Variants in TRPM3 observed in about 807,000 individuals in gnomAD.
TRPM3 encodes the protein transient receptor potential cation channel subfamily M member 3, also known as long transient receptor potential channel 3.
TRPM3 carries 77 observed loss-of-function variants against 181.2 expected under a neutral mutation model. That is an observed-to-expected ratio of 0.42 (90% confidence interval 0.35 to 0.51). The LOEUF is 0.51. Among genes scored for constraint, TRPM3 ranks in the 20% least tolerant of loss-of-function variants. The pLI, the probability that TRPM3 is intolerant of heterozygous loss-of-function variation, is 0.01. For synonymous variants in TRPM3, 745 were observed against 796.4 expected (o/e 0.94, Z 1.09); for missense variants, 1,759 against 2,196.7 (o/e 0.80, Z 3.98).
chr9:70,987,643 T>G (rs1274098672), intron 1 of TRPM3, among the ~76,000 whole-genome samples: 1 of 152,132 alleles, frequency 6.6e-6, no homozygotes, highest in Non-Finnish European at 1.5e-5. Flanking sequence ...CTGTCATTTT[T>G]ATCATTCTGA....
intron 1 of TRPM3, among the ~76,000 whole-genome samples, chr9:71,162,170 A>G (rs2076303001): frequency 6.7e-6 from 1 of 148,754 alleles, no homozygotes; most frequent in South Asian, 2.2e-4. Context: ...ACTGCACTCC[A>G]AGCTGGGTGA....
At chr9:70,692,983 C>T (rs1157049952) in intron 8 of TRPM3, among the ~76,000 whole-genome samples, 5 of 152,302 alleles carry the variant, frequency 3.3e-5, no homozygotes, top group African/African-American at 7.2e-5. Context: ...CTTGAGAGAG[C>T]AGTCTTTGAT....
At chr9:71,338,216 C>T (rs1015192873) in intron 1 of TRPM3, among the ~76,000 whole-genome samples, 6 of 152,228 alleles carry the variant, frequency 3.9e-5, no homozygotes, top group East Asian at 1.9e-4. Context: ...TCACATCTAA[C>T]GACTCAGAGA....
chr9:70,589,170 G>A (rs1185198037), intron 22 of TRPM3, among the ~76,000 whole-genome samples: 1 of 152,186 alleles, frequency 6.6e-6, no homozygotes, highest in African/African-American at 2.4e-5. Context: ...CACTCACACA[G>A]AACACATCTT....
intron 1 of TRPM3, among the ~76,000 whole-genome samples, chr9:71,203,207 G>T (rs546212603): frequency 6.6e-6 from 1 of 152,264 alleles, no homozygotes; most frequent in Non-Finnish European, 1.5e-5. Context: ...AGACAGAGCT[G>T]GTTAGAATGC....
chr9:71,103,458 CA>C (rs1419117215), intron 1 of TRPM3, among the ~76,000 whole-genome samples: 1 of 152,006 alleles, frequency 6.6e-6, no homozygotes, highest in Non-Finnish European at 1.5e-5. Context: ...TTTTAGAAGT[CA>C]AAGTTGAAGG....
intron 8 of TRPM3, among the ~76,000 whole-genome samples, chr9:70,759,833 G>C (rs1220025082): frequency 1.3e-5 from 2 of 152,068 alleles, no homozygotes; most frequent in African/African-American, 4.8e-5. Context: ...GGGCCTCTCA[G>C]GGGGTGGGGG....
chr9:71,030,736 T>C (rs1357240601), intron 1 of TRPM3, among the ~76,000 whole-genome samples: 1 of 152,188 alleles, frequency 6.6e-6, no homozygotes, highest in Non-Finnish European at 1.5e-5. Context: ...ATAAATGTAT[T>C]AATCTGTAAA....
intron 6 of TRPM3, among the ~76,000 whole-genome samples, chr9:70,795,911 C>A (rs2086899158): frequency 5.3e-5 from 8 of 152,146 alleles, no homozygotes; most frequent in Admixed American, 5.2e-4. Context: ...ATGGCCAATC[C>A]CTTGGGCTGT....
chr9:70,910,206 G>C (rs1324381938), intron 1 of TRPM3, among the ~76,000 whole-genome samples: 1 of 152,204 alleles, frequency 6.6e-6, no homozygotes, highest in Non-Finnish European at 1.5e-5. Flanking sequence ...GGAATACTAT[G>C]TAGCAGTGAA....
intron 1 of TRPM3, among the ~76,000 whole-genome samples, chr9:71,010,845 T>TA (rs2097729040): frequency 6.6e-6 from 1 of 151,996 alleles, no homozygotes; most frequent in African/African-American, 2.4e-5. Context: ...ATTGCAGCAC[T>TA]ATTTGCAATA....
In TRPM3 at chr9:71,331,736, AAGG is replaced by A. The variant is rs138468744; in HGVS notation, c.183+114914_183+114916del. On this transcript the variant is annotated intron_variant, in intron 1 of 24. Transcript: ENST00000357533. ...AAAGGAGGAGGAAAAGGAGGAGAAA[AAGG>A]AGGAGGAGGAAAAGGGGGAGAAAAA... Among the ~76,000 whole-genome samples, 3 of 113,480 alleles carry A rather than the reference AAGG, an allele frequency of 2.6e-5. No homozygotes were observed. In the East Asian group the frequency reaches 9.8e-4, roughly 37 times the overall value. The allele number at this position is 113,480 out of a possible 152,430, so 74.4% of individuals were successfully genotyped here. A position where few individuals can be genotyped will look rare whatever the true frequency, so the allele number is the denominator to read the frequency against.
chr9:71,134,550 C>A (rs367875972), intron 1 of TRPM3, among the ~76,000 whole-genome samples: 179 of 120,734 alleles, frequency 1.5e-3, no homozygotes, highest in South Asian at 1.4e-3. Context: ...TGCTCCATCT[C>A]AAAAAAAAAA....
intron 1 of TRPM3, among the ~76,000 whole-genome samples, chr9:71,360,521 T>A (rs956470168): frequency 6.6e-6 from 1 of 152,168 alleles, no homozygotes; most frequent in African/African-American, 2.4e-5. Context: ...AGAACAAAGA[T>A]GCATTTGATT....
chr9:70,969,243 G>A (rs867556216), intron 1 of TRPM3, among the ~76,000 whole-genome samples: 15 of 151,894 alleles, frequency 9.9e-5, no homozygotes, highest in Non-Finnish European at 1.9e-4. Context: ...ATGGACACAG[G>A]GAGGGGAACA....
At chr9:70,966,297 A>T (rs566631967) in intron 1 of TRPM3, among the ~76,000 whole-genome samples, 34 of 152,144 alleles carry the variant, frequency 2.2e-4, no homozygotes, top group Admixed American at 6.6e-5. Flanking sequence ...CATTGGTGGG[A>T]GTGTAAATTC....
intron 9 of TRPM3, among the ~76,000 whole-genome samples, chr9:70,654,325 G>A (rs182726827): frequency 4.8e-4 from 73 of 152,182 alleles, no homozygotes; most frequent in Non-Finnish European, 8.4e-4. Flanking sequence ...GGGGCCTTGT[G>A]GAAGTGTCTG....
chr9:70,619,587 A>ATT (rs1010275473), intron 16 of TRPM3, among the ~76,000 whole-genome samples: 1 of 146,310 alleles, frequency 6.8e-6, no homozygotes, highest in African/African-American at 2.5e-5. Flanking sequence ...CTAATTTTTA[A>ATT]TTTTTTTTTT....
intron 1 of TRPM3, among the ~76,000 whole-genome samples, chr9:71,308,314 T>A (rs1179248417): frequency 6.6e-6 from 1 of 152,192 alleles, no homozygotes; most frequent in African/African-American, 2.4e-5. Flanking sequence ...CTTGTCTTTA[T>A]ACATTTTGAA....
Sources: gnomAD v4.1 joint callset for allele counts (sites outside exome capture counted in the v4.1 genomes callset) on GRCh38, gnomAD v4.1.1 for gene constraint, MANE v1.5 for transcripts, NCBI Gene and HGNC (gene_info 2026-07-23, HGNC 2026-07-21) for gene names.